Variants in MRPL45 observed in about 807,000 individuals in gnomAD.
MRPL45 encodes the protein mitochondrial ribosomal protein L45.
A neutral mutation model predicts 38.1 loss-of-function variants in MRPL45; 20 were observed. The observed-to-expected ratio is 0.53, with a 90% CI of 0.37 to 0.76. The LOEUF (loss-of-function observed/expected upper bound fraction) is 0.76. MRPL45 is among the 30% of genes least tolerant of loss of function. The pLI is 0.00. For synonymous variants in MRPL45, 105 were observed against 128.8 expected, an observed-to-expected ratio of 0.82 and a Z score of 1.25; for missense variants, 337 against 395.6, an observed-to-expected ratio of 0.85 and a Z score of 1.26.
At chr17:38,318,843 T>C (rs2037201350) in intron 5 of MRPL45, 108 bp downstream of exon 5, 2 of 831,914 alleles carry the variant, frequency 2.4e-6, no homozygotes, top group Non-Finnish European at 3.9e-6. Flanking sequence ...TTTTTTTTTT[T>C]TGAGACAGAG....
chr17:38,319,854 G>A (rs1215638356), intron 5 of MRPL45, among the ~76,000 whole-genome samples: 4 of 152,168 alleles, frequency 2.6e-5, no homozygotes, highest in Non-Finnish European at 4.4e-5. Flanking sequence ...TGTAACCCCA[G>A]CGCTTTGGGA....
At chr17:38,304,129 C>A (rs540896910) in intron 3 of MRPL45, among the ~76,000 whole-genome samples, 1 of 152,224 alleles carries the variant, frequency 6.6e-6, no homozygotes, top group African/African-American at 2.4e-5. Flanking sequence ...TTATAATTTG[C>A]CCAGGTATTT....
chr17:38,310,340 T>G (rs181193360), intron 4 of MRPL45, among the ~76,000 whole-genome samples: 22 of 151,456 alleles, frequency 1.5e-4, no homozygotes, highest in African/African-American at 4.3e-4. Context: ...TTTTGTTTTT[T>G]TTTTTTGAGA....
At chr17:38,297,396 A>G (rs2036947599) in intron 1 of MRPL45, 147 bp downstream of exon 1, 1 of 736,218 alleles carries the variant, frequency 1.4e-6, no homozygotes, top group Non-Finnish European at 2.3e-6. Context: ...GACAGGACCT[A>G]GCTGCGGAGC....
intron 4 of MRPL45, among the ~76,000 whole-genome samples, chr17:38,311,571 G>A (rs561818630): frequency 3.3e-5 from 5 of 151,788 alleles, no homozygotes; most frequent in East Asian, 1.9e-4. Flanking sequence ...CTGTAGTCCC[G>A]GTTACTTGGG....
rs1022398188 is a variant in MRPL45, at chr17:38,299,597, C to T, written c.362+129C>T. ...TCTTAATAACATGATGGTATTTTCT[C>T]CTTTGTACTAGAGTCTGTATTTAAT... On this transcript the variant is annotated intron_variant, in intron 3 of 7. Coordinates refer to ENST00000613675, the MANE Select transcript of MRPL45 (RefSeq NM_032351.6). The T allele has an allele frequency of 1.3e-5, 8 of 626,322 alleles. No homozygotes were observed. The Admixed American group carries it at 2.5e-4, about 20-fold the overall frequency. The allele number at this position is 626,322 out of a possible 1,614,324, so 38.8% of individuals were successfully genotyped here.
chr17:38,305,729 G>A (rs1165181531), intron 3 of MRPL45, among the ~76,000 whole-genome samples: 1 of 149,482 alleles, frequency 6.7e-6, no homozygotes, highest in Admixed American at 6.7e-5. Flanking sequence ...TGCAACCTCT[G>A]CCTCCTGGGT....
chr17:38,319,964 G>T (rs144338617), intron 5 of MRPL45, among the ~76,000 whole-genome samples: 1 of 152,172 alleles, frequency 6.6e-6, no homozygotes, highest in Non-Finnish European at 1.5e-5. Context: ...TTAGCCGGGC[G>T]TGGTGGCGGG....
At chr17:38,313,361 T>C (rs1180119038) in intron 4 of MRPL45, among the ~76,000 whole-genome samples, 4 of 20,888 alleles carry the variant, frequency 1.9e-4, no homozygotes, top group African/African-American at 7.7e-4. Context: ...TATATATATA[T>C]ATATACGTAT....
In MRPL45 at chr17:38,322,306, T is replaced by C. The variant is rs201717471; in HGVS notation, c.834+7T>C. ...TAAGCAGCCCATCCTTAAGGTAAGGTGGCTTGCATGGTTTAAGAGAGCTGA... is the reference window on the plus strand; with the variant it reads ...TAAGCAGCCCATCCTTAAGGTAAGGCGGCTTGCATGGTTTAAGAGAGCTGA... On this transcript the variant is annotated splice_region_variant and intron_variant, in intron 7 of 7. Transcript: ENST00000613675. The C allele has an allele frequency of 2.0e-5, 33 of 1,613,540 alleles. No homozygotes were observed. The East Asian group carries it at 7.4e-4, about 36-fold the overall frequency.
intron 4 of MRPL45, among the ~76,000 whole-genome samples, chr17:38,313,365 T>TATATAC (rs1864766003): frequency 5.4e-5 from 1 of 18,574 alleles, no homozygotes; most frequent in African/African-American, 2.1e-4. Flanking sequence ...TATATATATA[T>TATATAC]ACGTATATAT....
intron 3 of MRPL45, among the ~76,000 whole-genome samples, chr17:38,304,823 T>C (rs1211553314): frequency 6.8e-6 from 1 of 147,910 alleles, no homozygotes; most frequent in Non-Finnish European, 1.5e-5. Flanking sequence ...ATTACAGACC[T>C]GAGTCACTGC....
chr17:38,309,976 C>CT (rs967906811), intron 4 of MRPL45, among the ~76,000 whole-genome samples: 4 of 151,196 alleles, frequency 2.6e-5, no homozygotes, highest in South Asian at 2.1e-4. Context: ...TTTTTCCAAC[C>CT]TTTTTTTTTC....
intron 4 of MRPL45, among the ~76,000 whole-genome samples, chr17:38,313,368 GTATATATATATATATACA>G (rs2037143239): frequency 9.4e-4 from 16 of 17,046 alleles, no homozygotes; most frequent in African/African-American, 4.4e-3. Context: ...ATATATATAC[GTATATATATATATATACA>G]TATATATATA....
At chr17:38,322,326 A>T in intron 7 of MRPL45, 27 bp downstream of exon 7, 2 of 1,606,830 alleles carry the variant, frequency 1.2e-6, no homozygotes. Context: ...GGTTTAAGAG[A>T]GCTGAGGCAC....
chr17:38,315,457 A>AG (rs1491245309), intron 4 of MRPL45, among the ~76,000 whole-genome samples: 15 of 150,390 alleles, frequency 1.0e-4, no homozygotes, highest in African/African-American at 3.7e-4. Flanking sequence ...TTGTAGAGAC[A>AG]GGGGTCTCGC....
chr17:38,318,727 T>C lies in MRPL45; in HGVS notation c.502T>C (p.Cys168Arg). Reference protein sequence around the residue: ...DRLHTLVTEHCFPDMTWDIKY... With the variant: ...DRLHTLVTEHRFPDMTWDIKY... ...GCTTCATACCTTGGTAACTGAACAC[T>C]GTTTTCCAGTAAGTTCTCATCCTCC... The change falls in exon 5 of 8, where the codon TGT (cysteine) becomes CGT (arginine). Residue 168 changes from cysteine (C) to arginine (R), a missense_variant. By Grantham distance (180) the Cys-to-Arg change is radical. Transcript: ENST00000613675. 6.2e-7 allele frequency: 1 copy of C among 1,608,578 alleles called. No homozygotes were observed.
At chr17:38,315,843 G>A (rs2037168083) in intron 4 of MRPL45, among the ~76,000 whole-genome samples, 1 of 151,568 alleles carries the variant, frequency 6.6e-6, no homozygotes, top group East Asian at 1.9e-4. Flanking sequence ...CCCGATCTCG[G>A]CTCATTGCAG....
At chr17:38,310,669 A>C (rs998879908) in intron 4 of MRPL45, among the ~76,000 whole-genome samples, 1 of 152,198 alleles carries the variant, frequency 6.6e-6, no homozygotes, top group Non-Finnish European at 1.5e-5. Flanking sequence ...GCTGTCACTC[A>C]GGCTAGAGTA....
Sources: allele counts gnomAD v4.1 joint callset (sites outside exome capture counted in the v4.1 genomes callset), GRCh38; gene constraint gnomAD v4.1.1; transcripts MANE v1.5; gene names NCBI Gene and HGNC (gene_info 2026-07-23, HGNC 2026-07-21).